Variants in KPNA7 observed in about 807,000 individuals in gnomAD.
The protein encoded by KPNA7 is importin subunit alpha-8.
A neutral mutation model predicts 53.7 loss-of-function variants in KPNA7; 54 were observed. The observed-to-expected ratio is 1.01, with a 90% confidence interval of 0.81 to 1.26. KPNA7 has a LOEUF of 1.26. KPNA7 is among the 50% of genes most tolerant of loss of function. The pLI, the probability that KPNA7 is intolerant of heterozygous loss-of-function variation, is 0.00. For missense variants in KPNA7, 640 were observed against 644.5 expected, an observed-to-expected ratio of 0.99 and a Z score of 0.07; for synonymous variants, 276 against 259.3, an observed-to-expected ratio of 1.06 and a Z score of -0.62.
chr7:99,158,947 C>T, the KPNA7 span, among the ~76,000 whole-genome samples: 2 of 152,066 alleles, frequency 1.3e-5, no homozygotes, highest in Admixed American at 6.6e-5. Flanking sequence ...TTACTGCAAC[C>T]TCCGCCTCCT....
intron 3 of KPNA7, among the ~76,000 whole-genome samples, chr7:99,200,371 G>A (rs1584306579): frequency 1.3e-5 from 2 of 152,162 alleles, no homozygotes; most frequent in South Asian, 4.1e-4. Flanking sequence ...CTTCTTATAA[G>A]AATCATCGAA....
downstream of KPNA7, among the ~76,000 whole-genome samples, chr7:99,171,175 G>A (rs578070531): frequency 2.6e-5 from 4 of 152,262 alleles, no homozygotes; most frequent in Non-Finnish European, 5.9e-5. Flanking sequence ...AGCCAAGATC[G>A]TGCCACTGCA....
intron 1 of KPNA7, among the ~76,000 whole-genome samples, chr7:99,217,543 G>C (rs1758741294): frequency 6.6e-6 from 1 of 151,824 alleles, no homozygotes; most frequent in African/African-American, 2.4e-5. Flanking sequence ...GGGTGGAGAG[G>C]GAAGGTAAAG....
the KPNA7 span, among the ~76,000 whole-genome samples, chr7:99,154,121 A>G: frequency 2.0e-4 from 31 of 151,998 alleles, no homozygotes; most frequent in Middle Eastern, 3.4e-3. Flanking sequence ...CCAAAATGAG[A>G]ATAGCTCACA....
At chr7:99,153,236 AAAG>A in the KPNA7 span, among the ~76,000 whole-genome samples, 3 of 152,192 alleles carry the variant, frequency 2.0e-5, no homozygotes, top group Non-Finnish European at 4.4e-5. Flanking sequence ...ATGACTTTAA[AAAG>A]ATATAAACCT....
At chr7:99,216,570 T>A (rs1266156786) in intron 1 of KPNA7, among the ~76,000 whole-genome samples, 2 of 150,722 alleles carry the variant, frequency 1.3e-5, no homozygotes, top group African/African-American at 4.9e-5. Flanking sequence ...AACACCCTCT[T>A]TTTTTTTGTG....
intron 9 of KPNA7, 62 bp from the exon 10 acceptor site, chr7:99,178,128 T>C: frequency 6.8e-7 from 1 of 1,478,168 alleles, no homozygotes; most frequent in Non-Finnish European, 9.2e-7. Context: ...ATAGGGACTC[T>C]GTCAGCCCTC....
chr7:99,192,248 A>G (rs1789995215), intron 6 of KPNA7, among the ~76,000 whole-genome samples: 1 of 152,190 alleles, frequency 6.6e-6, no homozygotes, highest in African/African-American at 2.4e-5. Context: ...CCAGGCATAT[A>G]TGCTAAACTG....
At chr7:99,216,240 G>A (rs926017488) in intron 1 of KPNA7, among the ~76,000 whole-genome samples, 1 of 151,992 alleles carries the variant, frequency 6.6e-6, no homozygotes, top group Admixed American at 6.6e-5. Context: ...CATTGCCCAG[G>A]CTTGTCTCGA....
At chr7:99,213,054 G>C (rs1791117338), upstream of KPNA7, among the ~76,000 whole-genome samples, 1 of 151,950 alleles carries the variant, frequency 6.6e-6, no homozygotes, top group Admixed American at 6.6e-5. Flanking sequence ...GTCTCCAAGA[G>C]TTGAGACATA....
intron 1 of KPNA7, among the ~76,000 whole-genome samples, chr7:99,217,574 C>T (rs1791245497): frequency 6.9e-6 from 1 of 145,908 alleles, no homozygotes; most frequent in Non-Finnish European, 1.5e-5. Context: ...CAGGAGAGGA[C>T]AGCCAGGGAG....
At chr7:99,195,478 C>T (rs1047257807) in intron 4 of KPNA7, 140 bp from the exon 5 acceptor site, 29 of 740,534 alleles carry the variant, frequency 3.9e-5, no homozygotes, top group African/African-American at 1.9e-4. Context: ...CACTTGAGGT[C>T]GCAAGGTCAG....
At chr7:99,208,118 C>T (rs893422586), upstream of KPNA7, among the ~76,000 whole-genome samples, 1 of 152,018 alleles carries the variant, frequency 6.6e-6, no homozygotes, top group South Asian at 2.1e-4. Flanking sequence ...ACTCTGTCAC[C>T]CGGGCTGGAG....
At chr7:99,151,457 G>GGT in the KPNA7 span, among the ~76,000 whole-genome samples, 4 of 103,264 alleles carry the variant, frequency 3.9e-5, no homozygotes, top group East Asian at 7.2e-4. Context: ...GTTTGTTTTT[G>GGT]GTTTTTTTTT....
At chr7:99,184,887 G>A (rs1181641686) in intron 8 of KPNA7, 42 bp downstream of exon 8, 2 of 1,498,574 alleles carry the variant, frequency 1.3e-6, no homozygotes, top group Non-Finnish European at 1.8e-6. Context: ...CAGGGCTATT[G>A]GAAAGTAGTC....
At chr7:99,207,178 G>A (rs1352498717) in intron 2 of KPNA7, among the ~76,000 whole-genome samples, 1 of 152,036 alleles carries the variant, frequency 6.6e-6, no homozygotes, top group Non-Finnish European at 1.5e-5. Context: ...GGGATTACAA[G>A]TACAAGCCAC....
Position 99,173,636 on chromosome 7 carries a change from T to C in KPNA7, c.*72A>G. 2.2e-6 allele frequency: 2 copies of C among 923,136 alleles called. No homozygotes were observed. Among genetic ancestry groups the C allele is most frequent in the South Asian group, 1.6e-5 (1 of 63,398 alleles). The allele number at this position is 923,136 out of a possible 1,614,324, so 57.2% of individuals were successfully genotyped here. On this transcript the variant is annotated 3_prime_UTR_variant, in exon 11 of 11. Transcript: ENST00000327442. ...GCTTCACATTTGGGTTACACTAAGATAGAGGACTGCTGCTTCTTAAAGAAG... is the reference window on the plus strand; with the variant it reads ...GCTTCACATTTGGGTTACACTAAGACAGAGGACTGCTGCTTCTTAAAGAAG...
Position 99,188,377 on chromosome 7 carries a change from G to T in KPNA7, c.823C>A (p.Arg275Ser), listed in dbSNP as rs200524486. 6.4e-7 allele frequency: 1 copy of T among 1,551,522 alleles called. No individual in the cohort carries two copies. The highest frequency in any genetic ancestry group is 8.7e-7 in the Non-Finnish European group (1 of 1,146,984). Reference sequence around the variant, plus strand: ...CCCGTGTTAACCACTTGGCCGATGCGCTTGTTGGAGCCGTCGGTGAGGTAG... The same window carrying T: ...CCCGTGTTAACCACTTGGCCGATGCTCTTGTTGGAGCCGTCGGTGAGGTAG... ...LSYLTDGSNK[R>S]IGQVVNTGVL... is the part of the protein sequence containing the mutation. Residue 275 changes from arginine to serine, a missense_variant, in exon 7 of 11, where the codon CGC (arginine) becomes AGC (serine). Coordinates refer to ENST00000327442, the MANE Select transcript of KPNA7 (RefSeq NM_001145715.3).
upstream of KPNA7, among the ~76,000 whole-genome samples, chr7:99,208,457 C>T (rs1462887394): frequency 1.3e-5 from 2 of 152,110 alleles, no homozygotes; most frequent in Non-Finnish European, 2.9e-5. Context: ...GGGGTTTCAC[C>T]GTGTTAGCCA....
Sources: allele counts gnomAD v4.1 joint callset (sites outside exome capture counted in the v4.1 genomes callset), GRCh38; gene constraint gnomAD v4.1.1; transcripts MANE v1.5; gene names NCBI Gene and HGNC (gene_info 2026-07-23, HGNC 2026-07-21).